SPIDR: variants seen among roughly 807,000 people sequenced by gnomAD.
The protein encoded by SPIDR is DNA repair-scaffolding protein.
SPIDR carries 93 observed loss-of-function variants against 104.6 expected under a neutral mutation model. That is an observed-to-expected ratio of 0.89 (90% CI 0.75 to 1.06). SPIDR has a LOEUF of 1.06. SPIDR is among the 50% of genes least tolerant of loss of function. The probability of loss-of-function intolerance (pLI) is 0.00; values close to 1 mark genes in which losing one functional copy is unlikely to be tolerated. For missense variants in SPIDR, 1,154 were observed against 1,111.2 expected (o/e 1.04, Z -0.55); for synonymous variants, 431 against 416.9 (o/e 1.03, Z -0.41).
intron 8 of SPIDR, among the ~76,000 whole-genome samples, chr8:47,578,687 A>G (rs2059395398): frequency 1.3e-5 from 2 of 152,196 alleles, no homozygotes; most frequent in African/African-American, 4.8e-5. Flanking sequence ...AATCTAAATT[A>G]GAAAAAAATG....
intron 3 of SPIDR, among the ~76,000 whole-genome samples, chr8:47,287,423 A>C (rs1471379932): frequency 6.6e-6 from 1 of 152,130 alleles, no homozygotes; most frequent in Non-Finnish European, 1.5e-5. Flanking sequence ...CCTCAAATTC[A>C]CCAGGGTGGA....
At chr8:47,551,658 T>C (rs1474719671) in intron 8 of SPIDR, among the ~76,000 whole-genome samples, 1 of 152,216 alleles carries the variant, frequency 6.6e-6, no homozygotes, top group Non-Finnish European at 1.5e-5. Flanking sequence ...GATTCTTCTC[T>C]CTTTTCTTCT....
intron 10 of SPIDR, among the ~76,000 whole-genome samples, chr8:47,622,043 C>T (rs1256682809): frequency 6.6e-6 from 1 of 152,070 alleles, no homozygotes; most frequent in Admixed American, 6.5e-5. Flanking sequence ...GGGCAAACTG[C>T]TGAGGCATTT....
At chr8:47,357,442 C>T (rs1357065458) in intron 5 of SPIDR, among the ~76,000 whole-genome samples, 1 of 152,160 alleles carries the variant, frequency 6.6e-6, no homozygotes, top group Non-Finnish European at 1.5e-5. Context: ...AGACATCCAC[C>T]AGGCTTAGCT....
At chr8:47,365,121 T>G (rs75101951) in intron 5 of SPIDR, among the ~76,000 whole-genome samples, 3,025 of 152,298 alleles carry the variant, frequency 0.02, 241 homozygotes, top group Admixed American at 0.14. Context: ...TACATGTGTT[T>G]TTCCTTTGGA....
intron 5 of SPIDR, among the ~76,000 whole-genome samples, chr8:47,358,086 C>T (rs551350779): frequency 1.3e-5 from 2 of 152,198 alleles, no homozygotes; most frequent in East Asian, 3.9e-4. Context: ...TTTGCATATT[C>T]ATTTGTTTTA....
intron 8 of SPIDR, among the ~76,000 whole-genome samples, chr8:47,451,383 A>G (rs1186460311): frequency 6.6e-6 from 1 of 152,072 alleles, no homozygotes; most frequent in African/African-American, 2.4e-5. Flanking sequence ...GGAGTTCAAG[A>G]CCAGCCTGCG....
chr8:47,689,255 T>A (rs528007368), intron 11 of SPIDR, among the ~76,000 whole-genome samples: 1 of 152,290 alleles, frequency 6.6e-6, no homozygotes, highest in African/African-American at 2.4e-5. Context: ...TTGAAATGGC[T>A]TCTGGACCCA....
chr8:47,492,765 G>C (rs2078909499), intron 8 of SPIDR, among the ~76,000 whole-genome samples: 1 of 152,156 alleles, frequency 6.6e-6, no homozygotes, highest in Non-Finnish European at 1.5e-5. Flanking sequence ...GGTTCCTTGA[G>C]ATGTATGTTA....
chr8:47,454,631 TAATAAA>T (rs1174042021), intron 8 of SPIDR, among the ~76,000 whole-genome samples: 172 of 152,082 alleles, frequency 1.1e-3, no homozygotes, highest in African/African-American at 3.9e-3. Flanking sequence ...ACTTAAAGTA[TAATAAA>T]AATAAAAATA....
At chr8:47,456,569 C>G (rs1391737795) in intron 8 of SPIDR, among the ~76,000 whole-genome samples, 1 of 152,066 alleles carries the variant, frequency 6.6e-6, no homozygotes, top group Non-Finnish European at 1.5e-5. Context: ...ACAACACAGC[C>G]TTATATAACC....
chr8:47,668,576 G>A (rs1030925111), intron 10 of SPIDR, among the ~76,000 whole-genome samples: 2 of 151,974 alleles, frequency 1.3e-5, no homozygotes, highest in African/African-American at 4.8e-5. Context: ...GCAAACATTA[G>A]TGACTATAAA....
chr8:47,550,380 G>A (rs1453512126), intron 8 of SPIDR, among the ~76,000 whole-genome samples: 1 of 152,130 alleles, frequency 6.6e-6, no homozygotes, highest in African/African-American at 2.4e-5. Flanking sequence ...TCACGATATT[G>A]ATTCTTCCTA....
At chr8:47,327,725 G>A (rs1439113847) in intron 5 of SPIDR, among the ~76,000 whole-genome samples, 4 of 152,074 alleles carry the variant, frequency 2.6e-5, no homozygotes, top group African/African-American at 9.7e-5. Flanking sequence ...ACCATGCCTG[G>A]CTAATTTTTG....
intron 5 of SPIDR, among the ~76,000 whole-genome samples, chr8:47,336,847 A>G (rs190930492): frequency 8.9e-4 from 136 of 152,318 alleles, no homozygotes; most frequent in Middle Eastern, 3.4e-3. Context: ...TAAGGAACTG[A>G]CATTTTTCTC....
intron 9 of SPIDR, 28 bp downstream of exon 9, chr8:47,596,034 A>G: frequency 1.3e-6 from 2 of 1,576,488 alleles, no homozygotes; most frequent in South Asian, 1.1e-5. Flanking sequence ...TAAAGGTTTT[A>G]TGCTTGTAAT....
At chr8:47,513,144 G>A (rs1165801696) in intron 8 of SPIDR, among the ~76,000 whole-genome samples, 1 of 152,126 alleles carries the variant, frequency 6.6e-6, no homozygotes, top group Non-Finnish European at 1.5e-5. Context: ...ATTGAGAGAG[G>A]TAAACTCTAT....
rs183945762 is a variant in SPIDR at position 47,458,709 on chromosome 8, G to A, written c.1097+18167G>A. ...AATGGTGAAAGTGGACATCCTTGTC[G>A]TATTCCAGTTCTCTGAGGGAATGCT... On this transcript the variant is annotated intron_variant, in intron 8 of 19. Coordinates refer to ENST00000297423, the MANE Select transcript of SPIDR (RefSeq NM_001080394.4). 5.9e-5 allele frequency among the ~76,000 whole-genome samples: 9 copies of A among 152,028 alleles called. No individual in the cohort carries two copies. The East Asian group carries it at 1.5e-3, about 26-fold the overall frequency.
intron 10 of SPIDR, among the ~76,000 whole-genome samples, chr8:47,657,442 A>C (rs2073040091): frequency 6.6e-6 from 1 of 152,182 alleles, no homozygotes; most frequent in Admixed American, 6.5e-5. Context: ...ATTAAAGGGC[A>C]GCCTGAGGGA....
Sources: gnomAD v4.1 joint callset for allele counts (sites outside exome capture counted in the v4.1 genomes callset) on GRCh38, gnomAD v4.1.1 for gene constraint, MANE v1.5 for transcripts, NCBI Gene and HGNC (gene_info 2026-07-23, HGNC 2026-07-21) for gene names.